GALM: variants seen among roughly 807,000 people sequenced by gnomAD.
The protein encoded by GALM is aldose 1-epimerase.
Under a neutral mutation model 37.4 loss-of-function variants are expected in GALM, and 43 were observed. That is an observed-to-expected ratio of 1.15 (90% CI 0.90 to 1.48). The LOEUF (loss-of-function observed/expected upper bound fraction) is 1.48, where lower values mean the gene tolerates loss of function less well. Ranked by LOEUF, GALM falls within the 40% of genes most tolerant of loss-of-function variation. The pLI, the probability that GALM is intolerant of heterozygous loss-of-function variation, is 0.00. For synonymous variants in GALM, 199 were observed against 170.6 expected (o/e 1.17, Z -1.30); for missense variants, 456 against 419.1 (o/e 1.09, Z -0.77).
rs1393194295 is a variant in GALM, at chr2:38,694,770, G to A, written c.634+4876G>A. Among the ~76,000 whole-genome samples the A allele has an allele frequency of 4.6e-5, 7 of 151,786 alleles. No individual in the cohort carries two copies. In the East Asian group the frequency reaches 5.8e-4, roughly 13 times the overall value. ...AAATTAGCCAGGCGTGGTGGCAGGC[G>A]CCTATAGTCCCAGCTACTCGGCAGG... On this transcript the variant is annotated intron_variant, in intron 4 of 6. Coordinates refer to ENST00000272252, the MANE Select transcript of GALM (RefSeq NM_138801.3).
intron 4 of GALM, among the ~76,000 whole-genome samples, chr2:38,694,155 G>A (rs903315750): frequency 5.3e-5 from 8 of 152,078 alleles, no homozygotes; most frequent in Admixed American, 4.6e-4. Flanking sequence ...GCACTTCAAT[G>A]TGGGTGAAGA....
In GALM at chr2:38,666,216, G is replaced by C; in HGVS notation, c.55G>C (p.Val19Leu). 6.2e-7 allele frequency: 1 copy of C among 1,614,088 alleles called. No homozygotes were observed. Among genetic ancestry groups the C allele is most frequent in the Non-Finnish European group, 8.5e-7 (1 of 1,179,970 alleles). The change falls in exon 1 of 7, where the codon GTG becomes CTG. Residue 19 changes from valine to leucine, a missense_variant. Transcript: ENST00000272252. ...FGELPSGGGTVEKFQLQSDLL... is the reference protein window; with the variant it reads ...FGELPSGGGTLEKFQLQSDLL... ...AGAGCTGCCCTCGGGAGGAGGGACA[G>C]TGGAGAAGTTCCAGCTGCAGTCAGA...
chr2:38,683,830 G>C (rs1235070806), intron 3 of GALM, among the ~76,000 whole-genome samples: 2 of 152,300 alleles, frequency 1.3e-5, no homozygotes, highest in African/African-American at 2.4e-5. Context: ...GCCTCCCAAA[G>C]TGCTAGGATT....
Position 38,731,910 on chromosome 2 carries a change from G to A in GALM, c.951+1G>A. On this transcript the variant is annotated splice_donor_variant, in intron 6 of 6. Coordinates refer to ENST00000272252, the MANE Select transcript of GALM (RefSeq NM_138801.3). LOFTEE classifies it high-confidence loss of function. ...GAACTGGCCTGATGCAGTCAATCAG[G>A]TAATGCCACAGGCTGGCTTTTCAGA... The A allele has an allele frequency of 6.2e-7, 1 of 1,613,648 alleles. No homozygotes were observed. The highest frequency in any genetic ancestry group is 8.5e-7 in the Non-Finnish European group (1 of 1,179,624).
intron 4 of GALM, among the ~76,000 whole-genome samples, chr2:38,713,613 T>A (rs1179336896): frequency 1.3e-5 from 2 of 152,092 alleles, no homozygotes; most frequent in Non-Finnish European, 2.9e-5. Flanking sequence ...TCTGTCTAGG[T>A]TGAAATCTTG....
At chr2:38,714,651 TAAAC>T (rs1304912427) in intron 4 of GALM, among the ~76,000 whole-genome samples, 4 of 152,180 alleles carry the variant, frequency 2.6e-5, no homozygotes, top group Admixed American at 6.6e-5. Flanking sequence ...CTTTCTGTGT[TAAAC>T]AAACAAAAAG....
chr2:38,690,102 G>T (rs553119713), intron 4 of GALM, among the ~76,000 whole-genome samples: 5 of 152,266 alleles, frequency 3.3e-5, no homozygotes, highest in African/African-American at 1.2e-4. Context: ...CAGAGATGCA[G>T]TATTTTTACC....
At chr2:38,700,276 T>A (rs1665890297) in intron 4 of GALM, among the ~76,000 whole-genome samples, 1 of 152,114 alleles carries the variant, frequency 6.6e-6, no homozygotes, top group African/African-American at 2.4e-5. Flanking sequence ...AATCTAGTGT[T>A]TTGTTGTTGA....
chr2:38,711,803 T>TCACTATCAC (rs1558591956), intron 4 of GALM, among the ~76,000 whole-genome samples: 3 of 136,328 alleles, frequency 2.2e-5, no homozygotes, highest in Non-Finnish European at 3.2e-5. Flanking sequence ...ACCATCACCA[T>TCACTATCAC]CACCATCATC....
intron 4 of GALM, among the ~76,000 whole-genome samples, chr2:38,710,247 T>A (rs1359845424): frequency 6.6e-6 from 1 of 152,178 alleles, no homozygotes; most frequent in Non-Finnish European, 1.5e-5. Context: ...CATGTGGTCA[T>A]CAGATGGTCC....
intron 3 of GALM, among the ~76,000 whole-genome samples, chr2:38,682,743 A>G (rs1345520014): frequency 6.6e-6 from 1 of 152,084 alleles, no homozygotes; most frequent in African/African-American, 2.4e-5. Flanking sequence ...CTAAAAATAC[A>G]ACATAAGCTG....
chr2:38,732,397 A>T (rs539090584), intron 6 of GALM, among the ~76,000 whole-genome samples: 6 of 152,132 alleles, frequency 3.9e-5, no homozygotes, highest in African/African-American at 1.4e-4. Flanking sequence ...GTCACAGAAA[A>T]CCCATAGCCA....
At chr2:38,704,788 A>G (rs1426573252) in intron 4 of GALM, among the ~76,000 whole-genome samples, 2 of 152,140 alleles carry the variant, frequency 1.3e-5, no homozygotes, top group Admixed American at 6.6e-5. Flanking sequence ...TGTTTATTGT[A>G]TGATAGGTCC....
chr2:38,705,619 A>G (rs1249800261), intron 4 of GALM, among the ~76,000 whole-genome samples: 1 of 152,188 alleles, frequency 6.6e-6, no homozygotes, highest in African/African-American at 2.4e-5. Context: ...AGGAGTGGTG[A>G]TGACTGTTAA....
intron 1 of GALM, among the ~76,000 whole-genome samples, chr2:38,667,903 T>G (rs1311098486): frequency 6.6e-6 from 1 of 152,166 alleles, no homozygotes; most frequent in Non-Finnish European, 1.5e-5. Flanking sequence ...CATAAAGAAA[T>G]TAAGACCCTC....
At chr2:38,688,633 C>T (rs142693412) in intron 3 of GALM, among the ~76,000 whole-genome samples, 114 of 152,254 alleles carry the variant, frequency 7.5e-4, no homozygotes, top group African/African-American at 2.5e-3. Flanking sequence ...CTTGGTTTCC[C>T]TTCCACATCT....
intron 4 of GALM, among the ~76,000 whole-genome samples, chr2:38,721,281 T>A (rs1666370867): frequency 6.6e-6 from 1 of 152,200 alleles, no homozygotes; most frequent in Non-Finnish European, 1.5e-5. Context: ...GGTTTAATAT[T>A]TTGTGACAGA....
Position 38,675,970 on chromosome 2 carries a change from C to A in GALM, c.249C>A (p.Ile83=). 2 of 1,613,994 alleles carry A rather than the reference C, an allele frequency of 1.2e-6. No homozygotes were observed. Among genetic ancestry groups the A allele is most frequent in the Non-Finnish European group, 1.7e-6 (2 of 1,179,940 alleles). ...TTATTGGGAGGGTGGCCAACCGAAT[C>A]GCCAAAGGAACCTTCAAGGTGGATG... ...GAVIGRVANR[I]AKGTFKVDGK... is the part of the protein sequence containing the mutation. The change falls in exon 2 of 7, where the codon ATC becomes ATA. Residue 83 remains isoleucine (I), a synonymous_variant. Transcript: ENST00000272252.
chr2:38,718,409 G>T (rs747170298), intron 4 of GALM, among the ~76,000 whole-genome samples: 1 of 151,482 alleles, frequency 6.6e-6, no homozygotes, highest in Non-Finnish European at 1.5e-5. Flanking sequence ...ATGTTAGCCA[G>T]CCTGGTCTCG....
Sources: gnomAD v4.1 joint callset for allele counts (sites outside exome capture counted in the v4.1 genomes callset) on GRCh38, gnomAD v4.1.1 for gene constraint, MANE v1.5 for transcripts, NCBI Gene and HGNC (gene_info 2026-07-23, HGNC 2026-07-21) for gene names.